The following EDEM3 variants were observed in gnomAD, a reference collection of about 807,000 sequenced individuals.
The protein encoded by EDEM3 is ER degradation-enhancing alpha-mannosidase-like protein 3.
A neutral mutation model predicts 110.2 loss-of-function variants in EDEM3; 60 were observed. The ratio of observed to expected loss-of-function variants is 0.54; its 90% CI spans 0.44 to 0.67. EDEM3 has a LOEUF of 0.67. Among genes scored for constraint, EDEM3 ranks in the 30% least tolerant of loss-of-function variants. The pLI is 0.00. For missense variants in EDEM3, 996 were observed against 1,121.0 expected, an observed-to-expected ratio of 0.89 and a Z score of 1.59; for synonymous variants, 352 against 382.9, an observed-to-expected ratio of 0.92 and a Z score of 0.94.
intron 1 of EDEM3, 38 bp from the exon 2 acceptor site, chr1:184,749,630 AAAAG>A: frequency 1.5e-6 from 2 of 1,360,830 alleles, no homozygotes; most frequent in South Asian, 2.8e-5. Flanking sequence ...AAAAAAAAAA[AAAAG>A]GTAAGTATAT....
At chr1:184,746,200 C>T (rs919105843) in intron 2 of EDEM3, among the ~76,000 whole-genome samples, 6 of 152,122 alleles carry the variant, frequency 3.9e-5, no homozygotes, top group Non-Finnish European at 7.4e-5. Flanking sequence ...AGATTTAAGT[C>T]CAGAGATGGC....
At chr1:184,752,186 A>T (rs1018466323) in intron 1 of EDEM3, among the ~76,000 whole-genome samples, 1 of 152,250 alleles carries the variant, frequency 6.6e-6, no homozygotes, top group African/African-American at 2.4e-5. Context: ...AAAACCAAAA[A>T]GCTTATTCCA....
chr1:184,754,070 C>G (rs1434628613), intron 1 of EDEM3, among the ~76,000 whole-genome samples: 1 of 152,240 alleles, frequency 6.6e-6, no homozygotes, highest in East Asian at 1.9e-4. Context: ...ACATCATTTC[C>G]TTAACTACTG....
chr1:184,753,798 C>T (rs12092819), intron 1 of EDEM3, among the ~76,000 whole-genome samples: 140 of 152,288 alleles, frequency 9.2e-4, no homozygotes, highest in African/African-American at 3.2e-3. Context: ...CCATTTCCTA[C>T]TGGTTCTTCG....
intron 18 of EDEM3, among the ~76,000 whole-genome samples, chr1:184,706,302 C>T (rs1034816443): frequency 1.3e-5 from 2 of 152,132 alleles, no homozygotes; most frequent in Middle Eastern, 3.2e-3. Flanking sequence ...CCCCACTGGA[C>T]GTGGCACAGT....
chr1:184,705,130 A>T lies in EDEM3; in HGVS notation c.2203+1513T>A, dbSNP rs569051571. Among the ~76,000 whole-genome samples, 18 of 152,216 alleles carry T rather than the reference A, an allele frequency of 1.2e-4. No individual in the cohort carries two copies. The South Asian group carries it at 3.7e-3, about 32-fold the overall frequency. On this transcript the variant is annotated intron_variant, in intron 18 of 19. Coordinates refer to ENST00000318130, the MANE Select transcript of EDEM3 (RefSeq NM_025191.4). The stretch of plus-strand genomic sequence containing the variant: ...TACTATAGAAGATCATGAGAATTAG[A>T]CTTCACTGAAAAATATAAAAAACCA...
At chr1:184,723,729 T>G (rs781285989) in intron 8 of EDEM3, 22 bp downstream of exon 8, 9 of 1,542,914 alleles carry the variant, frequency 5.8e-6, no homozygotes, top group Non-Finnish European at 7.1e-6. Context: ...AAGGCTTGAT[T>G]TAAAAAGCCT....
intron 2 of EDEM3, among the ~76,000 whole-genome samples, chr1:184,744,182 T>C (rs1652290883): frequency 6.7e-6 from 1 of 148,554 alleles, no homozygotes; most frequent in Non-Finnish European, 1.5e-5. Flanking sequence ...AAAGCATATA[T>C]TTGATAAGGG....
Position 184,719,437 on chromosome 1 carries a change from T to C in EDEM3, c.1077+6A>G. On this transcript the variant is annotated splice_donor_region_variant and intron_variant, in intron 10 of 19. Coordinates refer to ENST00000318130, the MANE Select transcript of EDEM3 (RefSeq NM_025191.4). The stretch of plus-strand genomic sequence containing the variant: ...ATTCATATTAAGAAGACAGAATTCT[T>C]TATACCTGCAAGCCTGGGAAGAAGG... The C allele has an allele frequency of 6.2e-7, 1 of 1,609,040 alleles. No individual in the cohort carries two copies. The highest frequency in any genetic ancestry group is 8.5e-7 in the Non-Finnish European group (1 of 1,178,604).
At chr1:184,729,773 A>C (rs933711331) in intron 6 of EDEM3, among the ~76,000 whole-genome samples, 1 of 152,144 alleles carries the variant, frequency 6.6e-6, no homozygotes, top group African/African-American at 2.4e-5. Context: ...AGAGTATAAG[A>C]AAATAATATA....
At position 184,693,654 on chromosome 1, in the gene EDEM3, C is replaced by G. The variant is rs1297627106; in HGVS notation, c.*409G>C. The G allele has an allele frequency of 6.2e-6, 1 of 161,654 alleles. No homozygotes were observed. The highest frequency in any genetic ancestry group is 1.4e-5 in the Non-Finnish European group (1 of 73,720). The allele number at this position is 161,654 out of a possible 1,614,324, so 10.0% of individuals were successfully genotyped here. A position where few individuals can be genotyped will look rare whatever the true frequency, so the allele number is the denominator to read the frequency against. On this transcript the variant is annotated 3_prime_UTR_variant, in exon 20 of 20. Coordinates refer to ENST00000318130, the MANE Select transcript of EDEM3 (RefSeq NM_025191.4). Reference sequence around the variant, plus strand: ...CATCTTCCCAAAAGAGCCTCTAACCCCCAAAACCAAGAAAGGCGAGCTTCC... The same window carrying G: ...CATCTTCCCAAAAGAGCCTCTAACCGCCAAAACCAAGAAAGGCGAGCTTCC...
chr1:184,753,583 C>T lies in EDEM3; in HGVS notation c.158+906G>A, dbSNP rs143353149. On this transcript the variant is annotated intron_variant, in intron 1 of 19. Coordinates refer to ENST00000318130, the MANE Select transcript of EDEM3 (RefSeq NM_025191.4). ...TACCAATAAGTTACAGCAATTTACA[C>T]TCTCACTAAGCCTTTTTTTTCTATT... 3.0e-4 allele frequency among the ~76,000 whole-genome samples: 45 copies of T among 152,172 alleles called. No individual in the cohort carries two copies. The Middle Eastern group carries it at 0.014, about 46-fold the overall frequency.
chr1:184,706,897 C>A, intron 17 of EDEM3, 89 bp from the exon 18 acceptor site: 1 of 1,306,534 alleles, frequency 7.7e-7, no homozygotes, highest in Non-Finnish European at 1.0e-6. Context: ...TTTAAAAGAA[C>A]TAGAACTCAT....
chr1:184,741,905 G>T (rs1423290951), intron 2 of EDEM3, among the ~76,000 whole-genome samples: 2 of 152,048 alleles, frequency 1.3e-5, no homozygotes, highest in East Asian at 3.8e-4. Context: ...TCTTGCATTT[G>T]CTGGGTGTTG....
At chr1:184,719,141 T>C (rs1367846583) in intron 11 of EDEM3, 21 bp downstream of exon 11, 1 of 1,432,914 alleles carries the variant, frequency 7.0e-7, no homozygotes, top group Non-Finnish European at 9.5e-7. Context: ...TGTAAGATTA[T>C]TCCAAAAATT....
In EDEM3 at chr1:184,719,532, G is replaced by A; in HGVS notation, c.988C>T (p.Pro330Ser). Reference sequence around the variant, plus strand: ...TGGATATGCACATCAAGTAGAAGAGGTGGCTGGCTAATATACCTCATTATG... The same window carrying A: ...TGGATATGCACATCAAGTAGAAGAGATGGCTGGCTAATATACCTCATTATG... Reference protein sequence around the residue: ...DAIMRYISQPPLLLDVHIHKP... With the variant: ...DAIMRYISQPSLLLDVHIHKP... The change falls in exon 10 of 20, where the codon CCT becomes TCT. Residue 330 changes from proline to serine, a missense_variant. Coordinates refer to ENST00000318130, the MANE Select transcript of EDEM3 (RefSeq NM_025191.4). The A allele has an allele frequency of 6.2e-7, 1 of 1,613,974 alleles. No homozygotes were observed. The highest frequency in any genetic ancestry group is 8.5e-7 in the Non-Finnish European group (1 of 1,179,990).
Position 184,710,496 on chromosome 1 carries a change from G to A in EDEM3, c.1743C>T (p.Phe581=). The A allele has an allele frequency of 6.2e-7, 1 of 1,613,920 alleles. No homozygotes were observed. ...CTAAATGCTCAGGGTTAGTGGCCAT[G>A]AAATCTCTGGCTCTCAGAGGGGGTT... ...GAKPPLRARD[F]MATNPEHLEI... Residue 581 remains phenylalanine (F), a synonymous_variant, in exon 16 of 20, where the codon TTC becomes TTT. Coordinates refer to ENST00000318130, the MANE Select transcript of EDEM3 (RefSeq NM_025191.4).
intron 13 of EDEM3, among the ~76,000 whole-genome samples, chr1:184,714,425 C>CT (rs1467029928): frequency 6.6e-6 from 1 of 152,128 alleles, no homozygotes; most frequent in African/African-American, 2.4e-5. Context: ...CATTTACATT[C>CT]TTTTCAGTAA....
At chr1:184,719,600 T>A (rs1221949640) in intron 9 of EDEM3, 32 bp from the exon 10 acceptor site, 6 of 1,605,078 alleles carry the variant, frequency 3.7e-6, no homozygotes, top group Admixed American at 3.5e-5. Flanking sequence ...TCATGAAAGT[T>A]AGATGAAAAA....
Sources: gnomAD v4.1 joint callset for allele counts (sites outside exome capture counted in the v4.1 genomes callset) on GRCh38, gnomAD v4.1.1 for gene constraint, MANE v1.5 for transcripts, NCBI Gene and HGNC (gene_info 2026-07-23, HGNC 2026-07-21) for gene names.